The following PHF21A variants were observed in gnomAD, a reference collection of about 807,000 sequenced individuals.
PHF21A encodes PHD finger protein 21A, also known as BHC80a.
In PHF21A, 11 loss-of-function variants were observed where a neutral mutation model predicts 82.5. The observed-to-expected ratio is 0.13, with a 90% CI of 0.08 to 0.22. The LOEUF (loss-of-function observed/expected upper bound fraction) is 0.22, where lower values mean the gene tolerates loss of function less well. Among genes scored for constraint, PHF21A ranks in the 10% least tolerant of loss-of-function variants. PHF21A has a pLI of 1.00. For synonymous variants in PHF21A, 297 were observed against 302.8 expected (o/e 0.98, Z 0.20); for missense variants, 579 against 837.8 (o/e 0.69, Z 3.81).
chr11:45,976,839 CA>C (rs897092607), intron 7 of PHF21A, among the ~76,000 whole-genome samples: 3 of 152,114 alleles, frequency 2.0e-5, no homozygotes, highest in African/African-American at 7.2e-5. Flanking sequence ...GTCTAAAAAA[CA>C]AACAAACAAA....
chr11:46,040,633 G>A (rs2096114908), intron 6 of PHF21A, among the ~76,000 whole-genome samples: 1 of 152,154 alleles, frequency 6.6e-6, no homozygotes, highest in African/African-American at 2.4e-5. Flanking sequence ...CTGAAGGACT[G>A]TATTAAAAGG....
At chr11:45,947,992 G>A (rs1309420063) in intron 14 of PHF21A, among the ~76,000 whole-genome samples, 3 of 152,152 alleles carry the variant, frequency 2.0e-5, no homozygotes, top group Non-Finnish European at 2.9e-5. Context: ...GGCAGACAAA[G>A]GGTCAGGATG....
intron 1 of PHF21A, among the ~76,000 whole-genome samples, chr11:46,101,315 T>A (rs996375919): frequency 6.6e-6 from 1 of 152,190 alleles, no homozygotes. Flanking sequence ...AAACTAACAA[T>A]GTATGAAAAG....
In PHF21A at chr11:45,930,905, G is replaced by GC. The variant is rs61505607; in HGVS notation, c.*3062dup. 111,335 of 135,412 alleles carry GC rather than the reference G, an allele frequency of 0.82. 45,885 individuals are homozygous for GC. Among genetic ancestry groups the GC allele is most frequent in the East Asian group, 0.96 (4,274 of 4,472 alleles). 8.4% of individuals were successfully genotyped at this position (135,412 alleles called of 1,614,324 possible). ...GAGCGTATGTCTCAGGTGGTCACAGGCCCCCCCCCCTCCCCGCCCAGGTCT... is the reference window on the plus strand; with the variant it reads ...GAGCGTATGTCTCAGGTGGTCACAGGCCCCCCCCCCCTCCCCGCCCAGGTCT... On this transcript the variant is annotated 3_prime_UTR_variant, in exon 19 of 19. Transcript: ENST00000676320.
intron 6 of PHF21A, among the ~76,000 whole-genome samples, chr11:46,056,079 T>A (rs1018691399): frequency 6.6e-6 from 1 of 152,182 alleles, no homozygotes; most frequent in Non-Finnish European, 1.5e-5. Context: ...CTGTTTTTTT[T>A]AAATAAAGTT....
intron 11 of PHF21A, among the ~76,000 whole-genome samples, chr11:45,951,965 T>C (rs2092183763): frequency 6.6e-6 from 1 of 151,858 alleles, no homozygotes; most frequent in African/African-American, 2.4e-5. Flanking sequence ...CGCCACTGCA[T>C]CCAGCTAATT....
intron 4 of PHF21A, 128 bp from the exon 5 acceptor site, chr11:46,079,294 A>G: frequency 3.4e-6 from 2 of 582,474 alleles, no homozygotes; most frequent in South Asian, 6.1e-5. Context: ...CAATCAGAAC[A>G]GACTAAAACC....
At chr11:45,956,610 C>G (rs192946120) in intron 10 of PHF21A, among the ~76,000 whole-genome samples, 100 of 152,076 alleles carry the variant, frequency 6.6e-4, no homozygotes, top group Non-Finnish European at 5.9e-4. Flanking sequence ...TTAATTCAAA[C>G]TAGATTGTTA....
At chr11:45,967,781 C>T (rs76350207) in intron 9 of PHF21A, among the ~76,000 whole-genome samples, 3 of 152,130 alleles carry the variant, frequency 2.0e-5, no homozygotes, top group Non-Finnish European at 2.9e-5. Flanking sequence ...TTAAAACGAC[C>T]CTGTGGTGGG....
At chr11:45,968,886 G>A (rs927032523) in intron 9 of PHF21A, among the ~76,000 whole-genome samples, 1 of 146,430 alleles carries the variant, frequency 6.8e-6, no homozygotes, top group Non-Finnish European at 1.5e-5. Flanking sequence ...AGCCTAGATC[G>A]TGCCACTGCA....
chr11:45,956,148 C>T (rs1270794630), intron 10 of PHF21A, among the ~76,000 whole-genome samples: 1 of 152,048 alleles, frequency 6.6e-6, no homozygotes, highest in Non-Finnish European at 1.5e-5. Context: ...GCTAGTATAC[C>T]AGTTCTAAAA....
chr11:45,977,136 ATT>A (rs1232628402), intron 7 of PHF21A, among the ~76,000 whole-genome samples: 23 of 128,042 alleles, frequency 1.8e-4, no homozygotes, highest in Non-Finnish European at 2.2e-4. Flanking sequence ...GCTTCCTTTG[ATT>A]TTTTTTTTTT....
intron 6 of PHF21A, among the ~76,000 whole-genome samples, chr11:46,029,358 T>C (rs1036829145): frequency 6.6e-6 from 1 of 152,218 alleles, no homozygotes; most frequent in Non-Finnish European, 1.5e-5. Context: ...ACAGACTTGT[T>C]TTTATTCTAT....
chr11:45,978,273 C>G (rs2094131969), intron 7 of PHF21A, among the ~76,000 whole-genome samples: 1 of 152,078 alleles, frequency 6.6e-6, no homozygotes, highest in Non-Finnish European at 1.5e-5. Context: ...TGCACTCCAG[C>G]CTGGGTGACA....
At position 45,933,803 on chromosome 11, in the gene PHF21A, T is replaced by C. The variant is rs1467184243; in HGVS notation, c.*165A>G. 1.0e-5 allele frequency: 6 copies of C among 592,574 alleles called. No individual in the cohort carries two copies. In the South Asian group the frequency reaches 1.7e-4, roughly 17 times the overall value. 36.7% of individuals were successfully genotyped at this position (592,574 alleles called of 1,614,324 possible). A position where few individuals can be genotyped will look rare whatever the true frequency, so the allele number is the denominator to read the frequency against. On this transcript the variant is annotated 3_prime_UTR_variant, in exon 19 of 19. Transcript: ENST00000676320. ...TACACACAGAATAAGAAGGATCAATTGGCAAACTCTGGTGCCACCTGGCAC... is the reference window on the plus strand; with the variant it reads ...TACACACAGAATAAGAAGGATCAATCGGCAAACTCTGGTGCCACCTGGCAC...
At position 46,077,950 on chromosome 11, in the gene PHF21A, C is replaced by T. The variant is rs368269377; in HGVS notation, c.88-1131G>A. 3.0e-4 allele frequency among the ~76,000 whole-genome samples: 45 copies of T among 152,240 alleles called. 1 individual carries two copies. Among genetic ancestry groups the T allele is most frequent in the Non-Finnish European group, 4.9e-4 (33 of 68,016 alleles). ...ATTTTGAGATGCAGTCTCACTCTGT[C>T]GTCCAGGCTGGAGTGCAGTGACAAG... On this transcript the variant is annotated intron_variant, in intron 5 of 18. Transcript: ENST00000676320.
intron 9 of PHF21A, among the ~76,000 whole-genome samples, chr11:45,966,145 A>G (rs540006560): frequency 1.4e-4 from 21 of 152,136 alleles, no homozygotes; most frequent in Admixed American, 4.6e-4. Context: ...CATTATTCCT[A>G]GGAGCTTTTG....
intron 6 of PHF21A, among the ~76,000 whole-genome samples, chr11:45,981,872 TA>T (rs202214058): frequency 2.2e-3 from 326 of 146,262 alleles, no homozygotes; most frequent in African/African-American, 5.9e-3. Context: ...AATCTTTAAG[TA>T]AAAAAAAAAG....
chr11:45,945,448 G>A (rs1422156743), intron 15 of PHF21A, among the ~76,000 whole-genome samples: 1 of 152,186 alleles, frequency 6.6e-6, no homozygotes, highest in Non-Finnish European at 1.5e-5. Context: ...TGTATTTGAA[G>A]CAGCAAACAA....
Sources: allele counts gnomAD v4.1 joint callset (sites outside exome capture counted in the v4.1 genomes callset), GRCh38; gene constraint gnomAD v4.1.1; transcripts MANE v1.5; gene names NCBI Gene and HGNC (gene_info 2026-07-23, HGNC 2026-07-21).